SYNRG: variants seen among roughly 807,000 people sequenced by gnomAD.
SYNRG encodes the protein synergin gamma, also known as AP1 gamma subunit binding protein 1.
In SYNRG, 37 loss-of-function variants were observed where a neutral mutation model predicts 130.9. That is an observed-to-expected ratio of 0.28 (90% confidence interval 0.22 to 0.37). The LOEUF (loss-of-function observed/expected upper bound fraction) is 0.37, where lower values mean the gene tolerates loss of function less well. Ranked by LOEUF, SYNRG falls within the 10% of genes least tolerant of loss-of-function variation. The pLI, the probability that SYNRG is intolerant of heterozygous loss-of-function variation, is 1.00. For missense variants in SYNRG, 1,338 were observed against 1,588.9 expected (o/e 0.84, Z 2.68); for synonymous variants, 539 against 568.1 (o/e 0.95, Z 0.73).
chr17:37,594,460 TTC>T (rs1054544541), intron 3 of SYNRG, among the ~76,000 whole-genome samples: 16 of 142,528 alleles, frequency 1.1e-4, no homozygotes, highest in East Asian at 2.4e-4. Flanking sequence ...GCCTTTCTTC[TTC>T]TTTTTTTTTT....
chr17:37,519,800 C>CA lies in SYNRG; in HGVS notation c.3813+378dup, dbSNP rs957349100. On this transcript the variant is annotated intron_variant, in intron 21 of 21. Transcript: ENST00000612223. The stretch of plus-strand genomic sequence containing the variant: ...TTTTCTAATATGCACTGCAAATAAA[C>CA]AAAACTCTAAAACCCAATTTGCTGC... Among the ~76,000 whole-genome samples, 40 of 152,230 alleles carry CA rather than the reference C, an allele frequency of 2.6e-4. 1 individual carries two copies. The highest frequency in any genetic ancestry group is 6.8e-3 in the Middle Eastern group (2 of 294).
rs1386421241 is a variant in SYNRG, at chr17:37,519,014, C to T, written c.3871G>A (p.Ala1291Thr). The T allele has an allele frequency of 5.6e-6, 9 of 1,614,180 alleles. No homozygotes were observed. The highest frequency in any genetic ancestry group is 2.2e-5 in the South Asian group (2 of 91,084). The change falls in exon 22 of 22, where the codon GCC becomes ACC. Residue 1291 changes from alanine (A) to threonine (T), a missense_variant. Ala to Thr is a moderately conservative substitution (Grantham distance 58, BLOSUM62 0). Around this residue, in one of 3 missense-constraint regions of SYNRG, gnomAD observed 1,146 missense variants for 1,342.3 expected, o/e 0.85. Transcript: ENST00000612223. Reference protein sequence around the residue: ...KLAYGGHQYHASCANFWINCV... With the variant: ...KLAYGGHQYHTSCANFWINCV... Reference sequence around the variant, plus strand: ...TTGATCCAGAAGTTGGCACAGCTGGCGTGATACTGGTGCCCTCCATAGGCC... The same window carrying T: ...TTGATCCAGAAGTTGGCACAGCTGGTGTGATACTGGTGCCCTCCATAGGCC...
intron 1 of SYNRG, among the ~76,000 whole-genome samples, chr17:37,602,393 C>T (rs1052526167): frequency 4.0e-5 from 6 of 151,442 alleles, no homozygotes; most frequent in African/African-American, 1.5e-4. Context: ...GGGCATATAT[C>T]CAGTAACAAA....
At position 37,520,582 on chromosome 17, in the gene SYNRG, G is replaced by A. The variant is rs554905432; in HGVS notation, c.3733C>T (p.Leu1245Phe). 4 of 1,614,194 alleles carry A rather than the reference G, an allele frequency of 2.5e-6. No individual in the cohort carries two copies. In the South Asian group the frequency reaches 3.3e-5, roughly 13 times the overall value. ...TTCAAGAGGCACACTCCACAGGCAAGCTCCTGAGCATTTTTAATCCCAGGC... is the reference window on the plus strand; with the variant it reads ...TTCAAGAGGCACACTCCACAGGCAAACTCCTGAGCATTTTTAATCCCAGGC... ...LRPGIKNAQE[L>F]ACGVCLLNVD... The change falls in exon 20 of 22, where the codon CTT (leucine) becomes TTT (phenylalanine). Residue 1245 changes from leucine to phenylalanine, a missense_variant. By Grantham distance (22) the Leu-to-Phe change is conservative (BLOSUM62 0). Around this residue, in one of 3 missense-constraint regions of SYNRG, gnomAD observed 1,146 missense variants for 1,342.3 expected, o/e 0.85. Transcript: ENST00000612223.
Position 37,566,602 on chromosome 17 carries a change from C to T in SYNRG, c.1481+2189G>A, listed in dbSNP as rs897135800. ...TGTCCCATGACCCTGCCAAATCCCC[C>T]TCTGTGAGAAACACCCAAGAATTAT... On this transcript the variant is annotated intron_variant, in intron 11 of 21. Coordinates refer to ENST00000612223, the MANE Select transcript of SYNRG (RefSeq NM_007247.6). 2.8e-4 allele frequency among the ~76,000 whole-genome samples: 42 copies of T among 150,236 alleles called. 1 individual carries two copies. The highest frequency in any genetic ancestry group is 3.0e-4 in the Non-Finnish European group (20 of 67,680).
chr17:37,595,756 CTTTT>C (rs950957073), intron 3 of SYNRG, among the ~76,000 whole-genome samples: 2 of 140,702 alleles, frequency 1.4e-5, no homozygotes, highest in South Asian at 2.2e-4. Context: ...TTCCTCTGGC[CTTTT>C]TTTTTTTTTT....
At chr17:37,519,629 A>G (rs915767131) in intron 21 of SYNRG, among the ~76,000 whole-genome samples, 1 of 152,068 alleles carries the variant, frequency 6.6e-6, no homozygotes, top group Non-Finnish European at 1.5e-5. Context: ...CAAAAAGTCC[A>G]AACAGGTATG....
intron 8 of SYNRG, among the ~76,000 whole-genome samples, chr17:37,575,779 G>C (rs1403274540): frequency 6.6e-6 from 1 of 150,490 alleles, no homozygotes; most frequent in Non-Finnish European, 1.5e-5. Context: ...GGAGGTCAAG[G>C]CTGCAGTGAG....
chr17:37,598,389 G>A (rs553911719), intron 2 of SYNRG, among the ~76,000 whole-genome samples: 18 of 152,358 alleles, frequency 1.2e-4, no homozygotes, highest in African/African-American at 4.1e-4. Flanking sequence ...ATCACGAGGT[G>A]TCAGGGAGAA....
At chr17:37,544,099 T>C (rs542162414) in intron 14 of SYNRG, among the ~76,000 whole-genome samples, 81 of 152,348 alleles carry the variant, frequency 5.3e-4, no homozygotes, top group African/African-American at 1.9e-3. Flanking sequence ...TCTAATGGTA[T>C]AATCCAAATC....
intron 1 of SYNRG, among the ~76,000 whole-genome samples, chr17:37,602,608 T>C (rs1337864644): frequency 6.6e-6 from 1 of 152,202 alleles, no homozygotes; most frequent in Non-Finnish European, 1.5e-5. Flanking sequence ...AAAATGGTGA[T>C]TGTTAAGTGA....
intron 20 of SYNRG, 103 bp downstream of exon 20, chr17:37,520,435 C>T: frequency 8.1e-7 from 1 of 1,230,780 alleles, no homozygotes; most frequent in Admixed American, 1.9e-5. Flanking sequence ...GAGAAAATCC[C>T]CACCTCTGGT....
At chr17:37,597,343 C>G (rs1013780537) in intron 2 of SYNRG, among the ~76,000 whole-genome samples, 1 of 152,094 alleles carries the variant, frequency 6.6e-6, no homozygotes, top group Non-Finnish European at 1.5e-5. Flanking sequence ...GATTCCTGAC[C>G]GAGAGACACA....
chr17:37,539,337 C>G, intron 16 of SYNRG, 92 bp from the exon 17 acceptor site: 1 of 1,339,330 alleles, frequency 7.5e-7, no homozygotes, highest in East Asian at 2.3e-5. Flanking sequence ...GGAGGACTTT[C>G]CTTTTTATTA....
At chr17:37,525,713 A>T (rs936574846) in intron 19 of SYNRG, among the ~76,000 whole-genome samples, 1 of 152,232 alleles carries the variant, frequency 6.6e-6, no homozygotes, top group African/African-American at 2.4e-5. Flanking sequence ...CACACCTGTA[A>T]TCTCAGCACT....
intron 21 of SYNRG, 36 bp downstream of exon 21, chr17:37,520,143 A>C: frequency 6.2e-7 from 1 of 1,613,230 alleles, no homozygotes; most frequent in Non-Finnish European, 8.5e-7. Flanking sequence ...CAAAATTAAA[A>C]TGGAGACGCT....
At chr17:37,550,972 G>A (rs1336602277) in intron 14 of SYNRG, among the ~76,000 whole-genome samples, 2 of 152,148 alleles carry the variant, frequency 1.3e-5, no homozygotes, top group Non-Finnish European at 1.5e-5. Flanking sequence ...GTAATAATAC[G>A]CAGAGAAATC....
intron 1 of SYNRG, 150 bp from the exon 2 acceptor site, chr17:37,600,553 G>A (rs1410615124): frequency 2.5e-6 from 2 of 787,610 alleles, no homozygotes; most frequent in South Asian, 2.9e-5. Flanking sequence ...TCAGTACACT[G>A]AGCATCCATA....
chr17:37,594,462 C>CTTTTTTTTTTTT (rs58155320), intron 3 of SYNRG, among the ~76,000 whole-genome samples: 4 of 124,522 alleles, frequency 3.2e-5, no homozygotes, highest in East Asian at 2.4e-4. Context: ...CTTTCTTCTT[C>CTTTTTTTTTTTT]TTTTTTTTTT....
Sources: allele counts gnomAD v4.1 joint callset (sites outside exome capture counted in the v4.1 genomes callset), GRCh38; gene constraint gnomAD v4.1.1; regional missense constraint gnomAD v4.1.1; transcripts MANE v1.5; gene names NCBI Gene and HGNC (gene_info 2026-07-23, HGNC 2026-07-21).